CNTNAP2: variants seen among roughly 807,000 people sequenced by gnomAD.
CNTNAP2 encodes the protein contactin-associated protein-like 2.
Under a neutral mutation model 155.2 loss-of-function variants are expected in CNTNAP2, and 98 were observed. The observed-to-expected ratio is 0.63, with a 90% CI of 0.54 to 0.75. The LOEUF is 0.75. Among genes scored for constraint, CNTNAP2 ranks in the 30% least tolerant of loss-of-function variants. The probability of loss-of-function intolerance (pLI) is 0.00; values close to 1 mark genes in which losing one functional copy is unlikely to be tolerated. For missense variants in CNTNAP2, 1,727 were observed against 1,688.1 expected (o/e 1.02, Z -0.40); for synonymous variants, 651 against 631.2 (o/e 1.03, Z -0.47).
At chr7:147,485,808 A>C in intron 10 of CNTNAP2, 127 bp from the exon 11 acceptor site, 4 of 847,576 alleles carry the variant, frequency 4.7e-6, no homozygotes, top group South Asian at 1.3e-5. Context: ...TAAACTAACA[A>C]GGATTAATTG....
chr7:146,638,472 G>GTTTGTTTTTTTTTTTTTTTT (rs1554460106), intron 1 of CNTNAP2, among the ~76,000 whole-genome samples: 1 of 100,106 alleles, frequency 1.0e-5, no homozygotes, highest in Non-Finnish European at 2.0e-5. Context: ...ACAGTCAGGT[G>GTTTGTTTTTTTTTTTTTTTT]TTTCTTTTTT....
chr7:146,380,381 A>G (rs1795363878), intron 1 of CNTNAP2, among the ~76,000 whole-genome samples: 1 of 152,194 alleles, frequency 6.6e-6, no homozygotes, highest in African/African-American at 2.4e-5. Flanking sequence ...TCGGTTAAAT[A>G]AGAATTTCAA....
intron 12 of CNTNAP2, among the ~76,000 whole-genome samples, chr7:147,627,623 C>T (rs10279391): frequency 0.095 from 12,785 of 134,684 alleles, 1,600 homozygotes; most frequent in African/African-American, 0.27. Context: ...ACCTGGGAGG[C>T]GGAGGTTGCA....
At chr7:147,410,493 C>G (rs1413155986) in intron 10 of CNTNAP2, among the ~76,000 whole-genome samples, 1 of 152,150 alleles carries the variant, frequency 6.6e-6, no homozygotes. Flanking sequence ...ACCCATGACA[C>G]TAGTTTACCT....
chr7:146,216,969 G>A (rs1050775787), intron 1 of CNTNAP2, among the ~76,000 whole-genome samples: 5 of 152,156 alleles, frequency 3.3e-5, no homozygotes, highest in South Asian at 4.1e-4. Flanking sequence ...CGGGTTATGC[G>A]CTTCCACAGT....
In CNTNAP2 at chr7:146,755,695, C is replaced by T. The variant is rs114999982; in HGVS notation, c.98-18576C>T. On this transcript the variant is annotated intron_variant, in intron 1 of 23. Coordinates refer to ENST00000361727, the MANE Select transcript of CNTNAP2 (RefSeq NM_014141.6). ...AATAATTCAAACCTCTCTAGGTTAG[C>T]TTGCAACACAGAGTCAGAAAGTGCA... Among the ~76,000 whole-genome samples the T allele has an allele frequency of 1.4e-3, 219 of 152,080 alleles. 1 individual carries two copies. The highest frequency in any genetic ancestry group is 5.0e-3 in the African/African-American group (209 of 41,536).
intron 8 of CNTNAP2, among the ~76,000 whole-genome samples, chr7:147,188,724 T>C (rs976768441): frequency 2.6e-5 from 4 of 152,148 alleles, no homozygotes; most frequent in African/African-American, 9.7e-5. Context: ...TTAGGTAATC[T>C]GGATAAGAGC....
At chr7:147,708,473 A>G (rs1796351669) in intron 13 of CNTNAP2, among the ~76,000 whole-genome samples, 1 of 152,118 alleles carries the variant, frequency 6.6e-6, no homozygotes, top group Non-Finnish European at 1.5e-5. Context: ...GGCTTTCAAT[A>G]TGGTGACTTG....
chr7:146,858,963 A>C (rs1795045071), intron 3 of CNTNAP2, among the ~76,000 whole-genome samples: 2 of 152,316 alleles, frequency 1.3e-5, no homozygotes, highest in South Asian at 4.1e-4. Context: ...AGAAATGATA[A>C]TGTAAGGGTT....
chr7:146,697,345 C>T (rs535111580), intron 1 of CNTNAP2, among the ~76,000 whole-genome samples: 1 of 152,044 alleles, frequency 6.6e-6, no homozygotes, highest in South Asian at 2.1e-4. Flanking sequence ...TCAAACAATT[C>T]TCCCTGCTCA....
At chr7:147,835,597 A>G (rs1237082104) in intron 13 of CNTNAP2, among the ~76,000 whole-genome samples, 1 of 152,218 alleles carries the variant, frequency 6.6e-6, no homozygotes, top group Non-Finnish European at 1.5e-5. Context: ...ATGATTGGAA[A>G]TCAACATTAC....
chr7:146,870,860 T>G (rs1243588392), intron 3 of CNTNAP2, among the ~76,000 whole-genome samples: 3 of 152,154 alleles, frequency 2.0e-5, no homozygotes, highest in Non-Finnish European at 4.4e-5. Flanking sequence ...TTCTAAACAA[T>G]TTAAATGAAA....
chr7:147,032,043 A>G (rs537103571), intron 3 of CNTNAP2, among the ~76,000 whole-genome samples: 6 of 152,332 alleles, frequency 3.9e-5, no homozygotes, highest in Admixed American at 6.5e-5. Context: ...GGATAATAAA[A>G]TGTTCTATAT....
intron 11 of CNTNAP2, among the ~76,000 whole-genome samples, chr7:147,554,053 A>T (rs960281626): frequency 4.6e-5 from 7 of 152,220 alleles, no homozygotes; most frequent in African/African-American, 1.4e-4. Flanking sequence ...CCTCTATAGG[A>T]TCTGAGCAAG....
intron 7 of CNTNAP2, among the ~76,000 whole-genome samples, chr7:147,129,190 C>T (rs1801299924): frequency 6.6e-6 from 1 of 152,154 alleles, no homozygotes; most frequent in African/African-American, 2.4e-5. Context: ...CTCTAAGTTA[C>T]TTGCTTATGG....
intron 8 of CNTNAP2, among the ~76,000 whole-genome samples, chr7:147,258,160 G>A (rs938443536): frequency 1.3e-5 from 2 of 152,172 alleles, no homozygotes; most frequent in African/African-American, 4.8e-5. Context: ...TCATGGAACA[G>A]TCTTGAGTAA....
intron 3 of CNTNAP2, among the ~76,000 whole-genome samples, chr7:146,845,954 A>G (rs992867114): frequency 2.6e-5 from 4 of 152,206 alleles, no homozygotes; most frequent in East Asian, 1.9e-4. Context: ...CTTTTCAGCC[A>G]TTTGTTATAG....
At chr7:146,946,341 T>G (rs1157135558) in intron 3 of CNTNAP2, among the ~76,000 whole-genome samples, 1 of 152,164 alleles carries the variant, frequency 6.6e-6, no homozygotes, top group African/African-American at 2.4e-5. Flanking sequence ...TTCATTGTTT[T>G]TATGTTATTT....
intron 10 of CNTNAP2, among the ~76,000 whole-genome samples, chr7:147,442,619 A>G (rs1402441125): frequency 1.3e-5 from 2 of 152,040 alleles, no homozygotes; most frequent in African/African-American, 4.8e-5. Flanking sequence ...GCTGAGTCTC[A>G]CCTGAAGCCA....
Sources: gnomAD v4.1 joint callset for allele counts (sites outside exome capture counted in the v4.1 genomes callset) on GRCh38, gnomAD v4.1.1 for gene constraint, MANE v1.5 for transcripts, NCBI Gene and HGNC (gene_info 2026-07-23, HGNC 2026-07-21) for gene names.